TRPC5: variants seen among roughly 807,000 people sequenced by gnomAD.
The protein encoded by TRPC5 is short transient receptor potential channel 5.
TRPC5 carries 9 observed loss-of-function variants against 56.5 expected under a neutral mutation model. That is an observed-to-expected ratio of 0.16 (90% CI 0.10 to 0.28). TRPC5 has a LOEUF of 0.28. TRPC5 is among the 10% of genes least tolerant of loss of function. The probability of loss-of-function intolerance (pLI) is 1.00; values close to 1 mark genes in which losing one functional copy is unlikely to be tolerated. For missense variants in TRPC5, 469 were observed against 748.9 expected, an observed-to-expected ratio of 0.63 and a Z score of 4.36; for synonymous variants, 282 against 278.5, an observed-to-expected ratio of 1.01 and a Z score of -0.13.
At chrX:112,003,608 T>G (rs981858488) in intron 1 of TRPC5, among the ~76,000 whole-genome samples, 1 of 109,584 alleles carries the variant, frequency 9.1e-6, no homozygotes, top group Non-Finnish European at 1.9e-5. Context: ...TTGTAGGAGG[T>G]TTAGTGTCCT....
intron 2 of TRPC5, among the ~76,000 whole-genome samples, chrX:111,949,215 G>T (rs1927010636): frequency 8.9e-6 from 1 of 112,083 alleles, no homozygotes; most frequent in African/African-American, 3.2e-5. Flanking sequence ...TTAAACCTAA[G>T]ACCTGAAACT....
At chrX:111,977,168 G>C (rs1369335339) in intron 1 of TRPC5, among the ~76,000 whole-genome samples, 2 of 111,233 alleles carry the variant, frequency 1.8e-5, no homozygotes, top group East Asian at 2.8e-4. Flanking sequence ...AACTACAAAA[G>C]ACCTGAAACA....
intron 1 of TRPC5, among the ~76,000 whole-genome samples, chrX:112,043,376 C>G (rs916449787): frequency 1.8e-5 from 2 of 111,703 alleles, no homozygotes; most frequent in African/African-American, 6.5e-5. Flanking sequence ...AAAAAAGGAG[C>G]CTATCTGTGG....
At chrX:111,996,484 T>C (rs1928536835) in intron 1 of TRPC5, among the ~76,000 whole-genome samples, 1 of 112,022 alleles carries the variant, frequency 8.9e-6, no homozygotes, top group South Asian at 3.7e-4. Context: ...GAGAGTTCTG[T>C]AGATTTCTGT....
chrX:111,986,936 C>T (rs1051063149), intron 1 of TRPC5, among the ~76,000 whole-genome samples: 6 of 111,660 alleles, frequency 5.4e-5, no homozygotes, highest in African/African-American at 2.0e-4. Flanking sequence ...TTATGTGGCA[C>T]TTGACCTGGG....
At chrX:112,078,296 G>A (rs754889787) in intron 1 of TRPC5, among the ~76,000 whole-genome samples, 20 of 111,774 alleles carry the variant, frequency 1.8e-4, no homozygotes, top group East Asian at 5.6e-4. Context: ...ATATAAACAC[G>A]TATACATACA....
intron 1 of TRPC5, among the ~76,000 whole-genome samples, chrX:112,046,558 T>C (rs749534778): frequency 3.1e-4 from 34 of 110,982 alleles, no homozygotes; most frequent in Non-Finnish European, 6.2e-4. Context: ...ACAAAATGGG[T>C]CTGGCATTTC....
At chrX:111,782,554 T>C (rs1168795022) in intron 7 of TRPC5, among the ~76,000 whole-genome samples, 1 of 111,254 alleles carries the variant, frequency 9.0e-6, no homozygotes, top group African/African-American at 3.3e-5. Flanking sequence ...GAGCACAACA[T>C]ATATTATGTA....
intron 9 of TRPC5, among the ~76,000 whole-genome samples, chrX:111,780,946 T>A (rs935329834): frequency 7.2e-5 from 8 of 111,556 alleles, no homozygotes; most frequent in African/African-American, 2.3e-4. Context: ...TAGTTGTTGC[T>A]GATCAAGCCG....
chrX:111,939,550 T>G (rs1328361055), intron 2 of TRPC5, among the ~76,000 whole-genome samples: 1 of 111,815 alleles, frequency 8.9e-6, no homozygotes, highest in Non-Finnish European at 1.9e-5. Context: ...GCTGGGAAAC[T>G]TTTTATTATA....
chrX:111,840,505 A>T (rs774931465), intron 6 of TRPC5, among the ~76,000 whole-genome samples: 10 of 112,727 alleles, frequency 8.9e-5, no homozygotes, highest in African/African-American at 2.9e-4. Flanking sequence ...TTCATTTTTT[A>T]AAAAATATTT....
chrX:112,054,923 T>C (rs1230823186), intron 1 of TRPC5, among the ~76,000 whole-genome samples: 1 of 111,067 alleles, frequency 9.0e-6, no homozygotes, highest in Non-Finnish European at 1.9e-5. Context: ...ATGAGGAAAC[T>C]TGAGGACTCG....
intron 1 of TRPC5, among the ~76,000 whole-genome samples, chrX:111,971,880 C>G (rs1458364303): frequency 9.0e-6 from 1 of 111,552 alleles, no homozygotes; most frequent in Non-Finnish European, 1.9e-5. Context: ...AGCATTTAAT[C>G]TAGTTCTTCG....
rs1456560428 is a variant in TRPC5, at chrX:111,771,834, G to A, written c.*4479C>T. Among the ~76,000 whole-genome samples, 1 of 109,185 alleles carries A rather than the reference G, an allele frequency of 9.2e-6. No individual in the cohort carries two copies. The highest frequency in any genetic ancestry group is 1.9e-5 in the Non-Finnish European group (1 of 52,611). The allele number at this position is 109,185 out of a possible 115,157, so 94.8% of individuals were successfully genotyped here. A position where few individuals can be genotyped will look rare whatever the true frequency, so the allele number is the denominator to read the frequency against. On this transcript the variant is annotated 3_prime_UTR_variant, in exon 11 of 11. Coordinates refer to ENST00000262839, the MANE Select transcript of TRPC5 (RefSeq NM_012471.3). ...TCTTGATAGCTCTCAATATAAAAGT[G>A]CTACAGAAGATGCTGTCATGGCAGT...
chrX:112,055,599 C>A (rs942075603), intron 1 of TRPC5, among the ~76,000 whole-genome samples: 1 of 109,043 alleles, frequency 9.2e-6, no homozygotes, highest in South Asian at 3.8e-4. Context: ...GATTTTCAGA[C>A]TATAATATAT....
intron 1 of TRPC5, among the ~76,000 whole-genome samples, chrX:111,955,993 G>A (rs185980230): frequency 2.7e-5 from 3 of 112,683 alleles, no homozygotes; most frequent in South Asian, 3.7e-4. Flanking sequence ...CTAACAGGCT[G>A]CCTCAGAGGG....
At chrX:111,787,594 A>G (rs1945978471) in intron 7 of TRPC5, among the ~76,000 whole-genome samples, 3 of 110,799 alleles carry the variant, frequency 2.7e-5, no homozygotes, top group Middle Eastern at 9.3e-3. Context: ...AAAAAAAAAA[A>G]AACCCTTCAA....
chrX:111,867,506 A>G (rs1008732291), intron 3 of TRPC5, among the ~76,000 whole-genome samples: 1 of 111,522 alleles, frequency 9.0e-6, no homozygotes, highest in Non-Finnish European at 1.9e-5. Context: ...CCTTGAGCTC[A>G]TACCACTTTG....
intron 3 of TRPC5, among the ~76,000 whole-genome samples, chrX:111,882,629 G>A (rs954206347): frequency 2.6e-4 from 29 of 113,005 alleles, no homozygotes; most frequent in Middle Eastern, 4.6e-3. Flanking sequence ...CCATGAACTT[G>A]GCCAAGACCA....
Sources: allele counts gnomAD v4.1 joint callset (sites outside exome capture counted in the v4.1 genomes callset), GRCh38; gene constraint gnomAD v4.1.1; transcripts MANE v1.5; gene names NCBI Gene and HGNC (gene_info 2026-07-23, HGNC 2026-07-21).